Variants in TANK observed in about 807,000 individuals in gnomAD.
TANK encodes the protein TRAF family member-associated NF-kappa-B activator.
In TANK, 15 loss-of-function variants were observed where a neutral mutation model predicts 43.6. The ratio of observed to expected loss-of-function variants is 0.34; its 90% CI spans 0.23 to 0.53. The LOEUF is 0.53. Among genes scored for constraint, TANK ranks in the 20% least tolerant of loss-of-function variants. The pLI is 0.94. For synonymous variants in TANK, 162 were observed against 178.2 expected, an observed-to-expected ratio of 0.91 and a Z score of 0.73; for missense variants, 417 against 498.6, an observed-to-expected ratio of 0.84 and a Z score of 1.56.
At chr2:161,200,971 TA>T in intron 2 of TANK, 1 of 321,290 alleles carries the variant, frequency 3.1e-6, no homozygotes, top group Non-Finnish European at 4.5e-6. Context: ...AGGCACTCTG[TA>T]ATACTCTGGA....
At chr2:161,233,042 C>A in intron 7 of TANK, 6 of 575,292 alleles carry the variant, frequency 1.0e-5, no homozygotes, top group Non-Finnish European at 1.4e-5. Context: ...ATTAATAAAG[C>A]TAGTATTATG....
chr2:161,172,577 T>C (rs1685000228), intron 1 of TANK, among the ~76,000 whole-genome samples: 1 of 152,150 alleles, frequency 6.6e-6, no homozygotes, highest in Non-Finnish European at 1.5e-5. Flanking sequence ...TTAGATTCAG[T>C]ATCTTCCCTC....
intron 2 of TANK, among the ~76,000 whole-genome samples, chr2:161,191,265 C>T (rs182781561): frequency 7.9e-5 from 12 of 152,138 alleles, no homozygotes; most frequent in African/African-American, 2.6e-4. Context: ...GCTTAAATTA[C>T]GAAAGCACCA....
intron 4 of TANK, among the ~76,000 whole-genome samples, chr2:161,210,120 G>T (rs558434070): frequency 9.8e-5 from 15 of 152,304 alleles, no homozygotes; most frequent in African/African-American, 1.7e-4. Context: ...TAGATCAGCA[G>T]ATATGGTGGC....
At chr2:161,142,326 A>G (rs972945601) in intron 1 of TANK, among the ~76,000 whole-genome samples, 1 of 152,144 alleles carries the variant, frequency 6.6e-6, no homozygotes, top group African/African-American at 2.4e-5. Flanking sequence ...CTCTAGTTTA[A>G]TTAGATCTGA....
upstream of TANK, chr2:161,155,947 T>C: frequency 1.5e-6 from 1 of 673,888 alleles, no homozygotes; most frequent in Non-Finnish European, 1.8e-6. Flanking sequence ...ATTCCCAAAA[T>C]ATTCACTGAT....
chr2:161,154,079 T>A (rs962598754), intron 1 of TANK, among the ~76,000 whole-genome samples: 2 of 152,034 alleles, frequency 1.3e-5, no homozygotes, highest in East Asian at 3.9e-4. Flanking sequence ...CATTCAAATA[T>A]GTATCTTGAA....
chr2:161,202,709 AAAAAG>A (rs1471421736), intron 2 of TANK, among the ~76,000 whole-genome samples: 2 of 152,176 alleles, frequency 1.3e-5, no homozygotes, highest in Non-Finnish European at 2.9e-5. Flanking sequence ...AATTGGTTAA[AAAAAG>A]AGTTCTCTGC....
intron 1 of TANK, chr2:161,163,181 T>C (rs769156635): frequency 6.6e-6 from 1 of 152,180 alleles, no homozygotes; most frequent in Admixed American, 6.5e-5. Flanking sequence ...TCCGCTCTGA[T>C]GTAGTTTAAA....
rs1017982388 is a variant in TANK at position 161,225,742 on chromosome 2, C to A, written c.520+996C>A. On this transcript the variant is annotated intron_variant, in intron 6 of 7. Coordinates refer to ENST00000392749, the MANE Select transcript of TANK (RefSeq NM_001199135.3). ...ATGTTGCAGTCTTGCTGACTAACAC[C>A]CTTTTAATTAAAGATCACTTTCCAT... Among the ~76,000 whole-genome samples, 8 of 152,224 alleles carry A rather than the reference C, an allele frequency of 5.3e-5. No individual in the cohort carries two copies. The East Asian group carries it at 1.5e-3, about 29-fold the overall frequency.
intron 2 of TANK, among the ~76,000 whole-genome samples, chr2:161,186,164 G>C (rs1395026741): frequency 6.6e-6 from 1 of 152,108 alleles, no homozygotes; most frequent in Non-Finnish European, 1.5e-5. Flanking sequence ...ACTCCACCCT[G>C]GTGACAGAGC....
intron 1 of TANK, among the ~76,000 whole-genome samples, chr2:161,143,505 T>C (rs536245942): frequency 1.3e-5 from 2 of 152,192 alleles, no homozygotes; most frequent in Non-Finnish European, 2.9e-5. Flanking sequence ...GCCTAGTTTA[T>C]TGAGAGATTT....
At position 161,202,182 on chromosome 2, in the gene TANK, CTTTTTTTTTTTTT is replaced by C. The variant is rs35913723; in HGVS notation, c.100-1292_100-1280del. Among the ~76,000 whole-genome samples, 174 of 78,132 alleles carry C rather than the reference CTTTTTTTTTTTTT, an allele frequency of 2.2e-3. 2 individuals carry two copies. The highest frequency in any genetic ancestry group is 8.4e-3 in the African/African-American group (167 of 19,774). 51.3% of individuals were successfully genotyped at this position (78,132 alleles called of 152,430 possible). A position where few individuals can be genotyped will look rare whatever the true frequency, so the allele number is the denominator to read the frequency against. On this transcript the variant is annotated intron_variant, in intron 2 of 7. Coordinates refer to ENST00000392749, the MANE Select transcript of TANK (RefSeq NM_001199135.3). ...AAAATGTAGTATTTAGCTCTAATTT[CTTTTTTTTTTTTT>C]TTTTTTTTTTTTGAGACAGAGTCTG... is the stretch of plus-strand genomic sequence containing the variant.
At chr2:161,194,027 C>T (rs1186004793) in intron 2 of TANK, among the ~76,000 whole-genome samples, 2 of 152,158 alleles carry the variant, frequency 1.3e-5, no homozygotes, top group Non-Finnish European at 2.9e-5. Context: ...CAGTTTATTA[C>T]TCATACCAAG....
chr2:161,147,804 A>G (rs936383440), intron 1 of TANK, among the ~76,000 whole-genome samples: 2 of 152,110 alleles, frequency 1.3e-5, no homozygotes, highest in Non-Finnish European at 2.9e-5. Context: ...TTTACTTAGC[A>G]CAATGGTTTT....
chr2:161,200,316 A>G (rs973415479), intron 2 of TANK: 59 of 980,336 alleles, frequency 6.0e-5, no homozygotes, highest in Middle Eastern at 5.2e-4. Context: ...TTAAAAAAAT[A>G]CTATGACTGT....
chr2:161,190,218 C>A (rs532650656), intron 2 of TANK, among the ~76,000 whole-genome samples: 1 of 152,172 alleles, frequency 6.6e-6, no homozygotes, highest in Non-Finnish European at 1.5e-5. Flanking sequence ...TGAAAAGATG[C>A]TCAGCATCCC....
At position 161,208,191 on chromosome 2, in the gene TANK, T is replaced by C. The variant is rs906540253; in HGVS notation, c.327+3398T>C. 16 of 985,294 alleles carry C rather than the reference T, an allele frequency of 1.6e-5. No individual in the cohort carries two copies. In the African/African-American group the frequency reaches 2.6e-4, roughly 16 times the overall value. The allele number at this position is 985,294 out of a possible 1,614,324, so 61.0% of individuals were successfully genotyped here. On this transcript the variant is annotated intron_variant, in intron 4 of 7. Coordinates refer to ENST00000392749, the MANE Select transcript of TANK (RefSeq NM_001199135.3). Reference sequence around the variant, plus strand: ...CATTTTGGCAAATAGCCACTCTGGCTGCCTTGGAAAAAAGAGACACAAAGT... The same window carrying C: ...CATTTTGGCAAATAGCCACTCTGGCCGCCTTGGAAAAAAGAGACACAAAGT...
intron 4 of TANK, among the ~76,000 whole-genome samples, chr2:161,220,471 C>T (rs4664412): frequency 0.02 from 3,036 of 152,094 alleles, 321 homozygotes; most frequent in Admixed American, 0.18. Context: ...GGCATGGTGG[C>T]GAGCACCTGT....
Sources: allele counts gnomAD v4.1 joint callset (sites outside exome capture counted in the v4.1 genomes callset), GRCh38; gene constraint gnomAD v4.1.1; transcripts MANE v1.5; gene names NCBI Gene and HGNC (gene_info 2026-07-23, HGNC 2026-07-21).